RBFOX1: variants seen among roughly 807,000 people sequenced by gnomAD.
RBFOX1 encodes RNA binding protein fox-1 homolog 1.
Under a neutral mutation model 57.7 loss-of-function variants are expected in RBFOX1, and 8 were observed. The observed-to-expected ratio is 0.14, with a 90% CI of 0.08 to 0.25. The LOEUF is 0.25. RBFOX1 is among the 10% of genes least tolerant of loss of function. RBFOX1 has a pLI of 1.00. For synonymous variants in RBFOX1, 326 were observed against 222.4 expected (o/e 1.47, Z -4.15); for missense variants, 611 against 548.5 (o/e 1.11, Z -1.14).
intron 3 of RBFOX1, among the ~76,000 whole-genome samples, chr16:6,717,757 A>G (rs1038921426): frequency 1.3e-5 from 2 of 152,140 alleles, no homozygotes; most frequent in Non-Finnish European, 2.9e-5. Flanking sequence ...TGTCATTAGT[A>G]TGTGTTTACG....
chr16:6,519,876 A>T (rs2096465188), intron 2 of RBFOX1, among the ~76,000 whole-genome samples: 1 of 152,184 alleles, frequency 6.6e-6, no homozygotes, highest in Non-Finnish European at 1.5e-5. Context: ...ACCAGAACTA[A>T]GGCAACTGAT....
At chr16:6,138,027 T>C (rs1335805512) in intron 1 of RBFOX1, among the ~76,000 whole-genome samples, 3 of 152,242 alleles carry the variant, frequency 2.0e-5, no homozygotes, top group African/African-American at 7.2e-5. Flanking sequence ...GGAGCAACGC[T>C]TCAATCCTAG....
intron 4 of RBFOX1, among the ~76,000 whole-genome samples, chr16:7,152,859 C>T (rs1346539343): frequency 6.6e-6 from 1 of 152,086 alleles, no homozygotes; most frequent in Non-Finnish European, 1.5e-5. Context: ...TGCATGAAGG[C>T]ACTTAATCAT....
intron 4 of RBFOX1, among the ~76,000 whole-genome samples, chr16:5,925,056 T>C (rs2058913859): frequency 6.6e-6 from 1 of 152,208 alleles, no homozygotes; most frequent in Middle Eastern, 3.2e-3. Context: ...CTACTGAAGC[T>C]GGTCATCCAT....
chr16:5,529,373 C>G (rs1468156462), intron 2 of RBFOX1, among the ~76,000 whole-genome samples: 1 of 147,250 alleles, frequency 6.8e-6, no homozygotes, highest in African/African-American at 2.6e-5. Context: ...GGACCCCAAT[C>G]CAGTATGGCC....
intron 4 of RBFOX1, among the ~76,000 whole-genome samples, chr16:7,338,662 G>A (rs1603624462): frequency 1.3e-5 from 2 of 152,184 alleles, no homozygotes; most frequent in South Asian, 2.1e-4. Context: ...AGAAACCAGC[G>A]TATGTATTTT....
Position 7,536,310 on chromosome 16 carries a change from G to A in RBFOX1, c.270+17921G>A, listed in dbSNP as rs969750464. 5.3e-4 allele frequency among the ~76,000 whole-genome samples: 80 copies of A among 152,194 alleles called. 2 individuals carry two copies. The highest frequency in any genetic ancestry group is 1.5e-4 in the Non-Finnish European group (10 of 68,036). ...GAAGTGACTTTTAACATGAAAATTA[G>A]AGGCTGGGCGCGGTGGCTCATGCCT... is the stretch of plus-strand genomic sequence containing the variant. On this transcript the variant is annotated intron_variant, in intron 5 of 15. Transcript: ENST00000550418.
At chr16:6,450,783 ATATATACATATATATATG>A (rs2094581003) in intron 2 of RBFOX1, among the ~76,000 whole-genome samples, 7 of 48,672 alleles carry the variant, frequency 1.4e-4, no homozygotes, top group African/African-American at 2.0e-4. Context: ...ATATATATAT[ATATATACATATATATATG>A]TATATATATA....
chr16:5,968,201 A>C (rs1266186246), intron 4 of RBFOX1, among the ~76,000 whole-genome samples: 3 of 152,018 alleles, frequency 2.0e-5, no homozygotes, highest in African/African-American at 4.8e-5. Flanking sequence ...CAGCCTCCCC[A>C]GTAGCTGGGA....
upstream of RBFOX1, among the ~76,000 whole-genome samples, chr16:6,014,855 G>C (rs2094983545): frequency 7.1e-6 from 1 of 140,968 alleles, no homozygotes; most frequent in African/African-American, 2.6e-5. Context: ...TTGGCTACTT[G>C]ATTTTTTTTT....
intron 1 of RBFOX1, among the ~76,000 whole-genome samples, chr16:6,146,165 C>T (rs1350760853): frequency 3.3e-5 from 5 of 152,118 alleles, no homozygotes; most frequent in Admixed American, 6.6e-5. Context: ...GTTGAATTCC[C>T]ATGGGTCTGG....
chr16:5,877,767 C>G (rs2057651891), intron 4 of RBFOX1, among the ~76,000 whole-genome samples: 1 of 152,312 alleles, frequency 6.6e-6, no homozygotes, highest in South Asian at 2.1e-4. Context: ...AATTAAGGAA[C>G]AGATTATGGA....
intron 4 of RBFOX1, among the ~76,000 whole-genome samples, chr16:7,327,461 A>G (rs1467646991): frequency 1.3e-5 from 2 of 152,240 alleles, no homozygotes; most frequent in Non-Finnish European, 2.9e-5. Context: ...TTGTGTGAGT[A>G]ATTACATAAT....
chr16:6,078,929 T>A (rs1038915529), intron 1 of RBFOX1, among the ~76,000 whole-genome samples: 4 of 152,232 alleles, frequency 2.6e-5, no homozygotes, highest in Admixed American at 2.0e-4. Context: ...TGTCACAGCA[T>A]CCCAGTTCAT....
chr16:5,398,284 T>A (rs1186029768), intron 1 of RBFOX1, among the ~76,000 whole-genome samples: 1 of 151,664 alleles, frequency 6.6e-6, no homozygotes, highest in Admixed American at 6.6e-5. Flanking sequence ...CTGGTGTGTG[T>A]GCATGTGTGC....
chr16:5,651,998 G>A (rs1402929263), intron 3 of RBFOX1, among the ~76,000 whole-genome samples: 1 of 152,114 alleles, frequency 6.6e-6, no homozygotes. Flanking sequence ...GCCGGGCTTG[G>A]TGACACATGC....
At position 7,653,936 on chromosome 16, in the gene RBFOX1, G is replaced by T; in HGVS notation, c.879G>T (p.Pro293=). 1 of 1,532,078 alleles carries T rather than the reference G, an allele frequency of 6.5e-7. No individual in the cohort carries two copies. Among genetic ancestry groups the T allele is most frequent in the Non-Finnish European group, 8.7e-7 (1 of 1,147,176 alleles). The allele number at this position is 1,532,078 out of a possible 1,614,324, so 94.9% of individuals were successfully genotyped here. A position where few individuals can be genotyped will look rare whatever the true frequency, so the allele number is the denominator to read the frequency against. Reference sequence around the variant, plus strand: ...CCGCGGCGCCCCCGCCCCCGATCCCGGCCTACGGCGGGTAAGTGGGGCAGC... The same window carrying T: ...CCGCGGCGCCCCCGCCCCCGATCCCTGCCTACGGCGGGTAAGTGGGGCAGC... ...FRAAAPPPPI[P]AYGGVVYQDG... Residue 293 remains proline, a synonymous_variant, in exon 12 of 16, where the codon CCG becomes CCT. Coordinates refer to ENST00000550418, the MANE Select transcript of RBFOX1 (RefSeq NM_018723.4).
intron 3 of RBFOX1, among the ~76,000 whole-genome samples, chr16:5,775,681 C>G (rs2054124057): frequency 6.6e-6 from 1 of 152,158 alleles, no homozygotes; most frequent in South Asian, 2.1e-4. Context: ...AAACAAAGGA[C>G]TGAAAACCAT....
chr16:5,316,147 C>T (rs1388724222), intron 1 of RBFOX1, among the ~76,000 whole-genome samples: 2 of 152,334 alleles, frequency 1.3e-5, no homozygotes, highest in East Asian at 3.9e-4. Context: ...GCCTGGTATT[C>T]TCCCACTTTT....
Sources: allele counts gnomAD v4.1 joint callset (sites outside exome capture counted in the v4.1 genomes callset), GRCh38; gene constraint gnomAD v4.1.1; transcripts MANE v1.5; gene names NCBI Gene and HGNC (gene_info 2026-07-23, HGNC 2026-07-21).